NRG1: variants seen among roughly 807,000 people sequenced by gnomAD.
The protein encoded by NRG1 is pro-neuregulin-1, membrane-bound isoform.
Under a neutral mutation model 63.8 loss-of-function variants are expected in NRG1, and 18 were observed. The ratio of observed to expected loss-of-function variants is 0.28; its 90% CI spans 0.19 to 0.42. The LOEUF (loss-of-function observed/expected upper bound fraction) is 0.42, where lower values mean the gene tolerates loss of function less well. Ranked by LOEUF, NRG1 falls within the 10% of genes least tolerant of loss-of-function variation. The pLI, the probability that NRG1 is intolerant of heterozygous loss-of-function variation, is 1.00. For synonymous variants in NRG1, 302 were observed against 301.3 expected, an observed-to-expected ratio of 1.00 and a Z score of -0.02; for missense variants, 762 against 814.7, an observed-to-expected ratio of 0.94 and a Z score of 0.79.
chr8:32,123,173 G>C (rs1271055215), intron 1 of NRG1, among the ~76,000 whole-genome samples: 1 of 151,880 alleles, frequency 6.6e-6, no homozygotes, highest in East Asian at 1.9e-4. Flanking sequence ...TTCACCATGT[G>C]TCCTTGTATA....
At chr8:32,336,651 C>G (rs1162266166) in intron 1 of NRG1, among the ~76,000 whole-genome samples, 1 of 152,010 alleles carries the variant, frequency 6.6e-6, no homozygotes, top group Non-Finnish European at 1.5e-5. Context: ...GCTCTGTCAC[C>G]CAGGCTGAAG....
intron 1 of NRG1, among the ~76,000 whole-genome samples, chr8:31,943,956 T>C (rs573542814): frequency 6.6e-6 from 1 of 152,332 alleles, no homozygotes; most frequent in African/African-American, 2.4e-5. Flanking sequence ...GCCTAAGATA[T>C]TCTTATGACT....
At chr8:31,660,777 T>C (rs1805911147) in intron 1 of NRG1, among the ~76,000 whole-genome samples, 1 of 152,226 alleles carries the variant, frequency 6.6e-6, no homozygotes, top group Non-Finnish European at 1.5e-5. Context: ...AATTCTATTA[T>C]TATAAACATA....
chr8:32,502,863 A>AT (rs912378722), intron 1 of NRG1, among the ~76,000 whole-genome samples: 5 of 152,214 alleles, frequency 3.3e-5, no homozygotes, highest in Non-Finnish European at 5.9e-5. Context: ...TCTGTGCTAC[A>AT]TTAGCACAGG....
At chr8:32,062,272 A>G (rs928450192) in intron 1 of NRG1, among the ~76,000 whole-genome samples, 4 of 152,112 alleles carry the variant, frequency 2.6e-5, no homozygotes, top group African/African-American at 9.7e-5. Context: ...GGGAAGAATG[A>G]TGTTTTAAGA....
chr8:32,271,810 A>T (rs1396454507), intron 1 of NRG1, among the ~76,000 whole-genome samples: 1 of 152,096 alleles, frequency 6.6e-6, no homozygotes, highest in Non-Finnish European at 1.5e-5. Context: ...GGTCGTGCAA[A>T]CATCCTGAAA....
intron 1 of NRG1, among the ~76,000 whole-genome samples, chr8:32,190,168 A>T (rs1045382871): frequency 4.7e-5 from 7 of 149,322 alleles, no homozygotes; most frequent in Non-Finnish European, 1.0e-4. Flanking sequence ...TCCTTTTATC[A>T]AAATGTATTA....
At chr8:31,770,664 G>A (rs912488538) in intron 1 of NRG1, among the ~76,000 whole-genome samples, 1 of 151,460 alleles carries the variant, frequency 6.6e-6, no homozygotes, top group Non-Finnish European at 1.5e-5. Context: ...TATACCTAAT[G>A]TAAATGACGA....
At chr8:32,771,991 C>T (rs531436032), downstream of NRG1, among the ~76,000 whole-genome samples, 2 of 125,986 alleles carry the variant, frequency 1.6e-5, no homozygotes, top group Non-Finnish European at 3.3e-5. Flanking sequence ...CCATTGCACT[C>T]CAGCCTTGGT....
intron 1 of NRG1, among the ~76,000 whole-genome samples, chr8:32,175,201 C>T (rs1226831744): frequency 6.6e-6 from 1 of 152,114 alleles, no homozygotes; most frequent in African/African-American, 2.4e-5. Context: ...AAATGTAATC[C>T]AGCATATAAA....
intron 1 of NRG1, among the ~76,000 whole-genome samples, chr8:31,661,394 GCAAGCC>G (rs1326724773): frequency 6.6e-6 from 1 of 152,148 alleles, no homozygotes; most frequent in African/African-American, 2.4e-5. Context: ...AGGACTATAA[GCAAGCC>G]ATTTATTTCT....
chr8:31,688,686 T>A (rs1471141639), intron 1 of NRG1, among the ~76,000 whole-genome samples: 1 of 152,212 alleles, frequency 6.6e-6, no homozygotes, highest in Non-Finnish European at 1.5e-5. Context: ...AATACACAGG[T>A]ACGTGTAGAT....
chr8:32,281,061 C>T (rs1207312412), intron 1 of NRG1, among the ~76,000 whole-genome samples: 11 of 151,558 alleles, frequency 7.3e-5, no homozygotes, highest in Middle Eastern at 3.4e-3. Context: ...TTTTATTTTA[C>T]GTTCAGATGG....
At position 32,595,868 on chromosome 8, in the gene NRG1, G is replaced by A. The variant is rs147561043; in HGVS notation, c.141G>A (p.Ser47=). 720 of 1,613,140 alleles carry A rather than the reference G, an allele frequency of 4.5e-4. 5 individuals carry two copies. Among genetic ancestry groups the A allele is most frequent in the South Asian group, 3.0e-3 (273 of 90,954 alleles). ...TGAAAGAGATGAAAAGCCAGGAATC[G>A]GCTGCAGGTTCCAAACTAGTCCTTC... is the stretch of plus-strand genomic sequence containing the variant. The change falls in exon 2 of 12, where the codon TCG becomes TCA. Residue 47 remains serine, a synonymous_variant. Transcript: ENST00000356819.
At chr8:32,598,240 G>T (rs1447209443) in intron 2 of NRG1, among the ~76,000 whole-genome samples, 2 of 151,978 alleles carry the variant, frequency 1.3e-5, no homozygotes, top group Non-Finnish European at 2.9e-5. Context: ...CACTGTTAGA[G>T]CAGGGGAGGA....
At chr8:31,828,685 C>T (rs777744695) in intron 1 of NRG1, among the ~76,000 whole-genome samples, 7 of 152,162 alleles carry the variant, frequency 4.6e-5, no homozygotes, top group African/African-American at 9.7e-5. Context: ...TCATCCCCTA[C>T]GTTATATACC....
intron 1 of NRG1, among the ~76,000 whole-genome samples, chr8:32,236,751 A>G (rs1203063627): frequency 6.6e-6 from 1 of 152,228 alleles, no homozygotes; most frequent in Non-Finnish European, 1.5e-5. Context: ...AAGAGGCAGG[A>G]AGGAAATGCA....
rs187351113 is a variant in NRG1, at chr8:31,838,224, T to G, written c.37+198793T>G. ...AGCAATCCATCTTTTTCCCAGTTAT[T>G]TGAGATCCCACCTTTATCACATAAA... On this transcript the variant is annotated intron_variant, in intron 1 of 10. Transcript: ENST00000519301. Among the ~76,000 whole-genome samples, 5 of 152,208 alleles carry G rather than the reference T, an allele frequency of 3.3e-5. No individual in the cohort carries two copies. In the East Asian group the frequency reaches 9.6e-4, roughly 29 times the overall value.
intron 1 of NRG1, among the ~76,000 whole-genome samples, chr8:31,863,320 A>G (rs962842858): frequency 2.6e-5 from 4 of 152,216 alleles, no homozygotes; most frequent in Non-Finnish European, 5.9e-5. Flanking sequence ...TCCATCTATT[A>G]AATGGGAACT....
Sources: gnomAD v4.1 joint callset for allele counts (sites outside exome capture counted in the v4.1 genomes callset) on GRCh38, gnomAD v4.1.1 for gene constraint, MANE v1.5 for transcripts, NCBI Gene and HGNC (gene_info 2026-07-23, HGNC 2026-07-21) for gene names.